Variants in DCDC1 observed in about 807,000 individuals in gnomAD.
The protein encoded by DCDC1 is doublecortin domain-containing protein 1.
In DCDC1, 200 loss-of-function variants were observed where a neutral mutation model predicts 178.3. The ratio of observed to expected loss-of-function variants is 1.12; its 90% CI spans 1.00 to 1.26. The LOEUF (loss-of-function observed/expected upper bound fraction) is 1.26. Among genes scored for constraint, DCDC1 ranks in the 50% most tolerant of loss-of-function variants. The pLI is 0.00. For missense variants in DCDC1, 1,983 were observed against 1,749.2 expected (o/e 1.13, Z -2.38); for synonymous variants, 690 against 604.8 (o/e 1.14, Z -2.07).
chr11:31,187,208 A>C lies in DCDC1; in HGVS notation c.1222-49424T>G, dbSNP rs186222017. Among the ~76,000 whole-genome samples, 5 of 152,350 alleles carry C rather than the reference A, an allele frequency of 3.3e-5. No homozygotes were observed. The East Asian group carries it at 9.6e-4, about 29-fold the overall frequency. ...GCCTGACACATAGTAGGTACTTAGT[A>C]AATATTTGTTGAATGAATAAGACCA... On this transcript the variant is annotated intron_variant, in intron 9 of 38. Transcript: ENST00000684477.
At chr11:31,265,426 T>C in intron 8 of DCDC1, 81 bp downstream of exon 8, 1 of 672,312 alleles carries the variant, frequency 1.5e-6, no homozygotes, top group South Asian at 4.2e-5. Flanking sequence ...TATGTTTTTC[T>C]TTTAAATGTT....
chr11:31,213,104 T>TCTCTCTCTCTCTCTCTCTCG (rs1972870937), intron 9 of DCDC1, among the ~76,000 whole-genome samples: 1 of 16,224 alleles, frequency 6.2e-5, no homozygotes, highest in Non-Finnish European at 1.8e-4. Context: ...GCCCAGCCTC[T>TCTCTCTCTCTCTCTCTCTCG]CTCTCTCTCT....
At chr11:31,159,322 G>C (rs1240926573) in intron 9 of DCDC1, among the ~76,000 whole-genome samples, 1 of 152,020 alleles carries the variant, frequency 6.6e-6, no homozygotes, top group Non-Finnish European at 1.5e-5. Context: ...ATCCATGTAG[G>C]GACAAAAAGG....
intron 20 of DCDC1, among the ~76,000 whole-genome samples, chr11:30,996,635 G>C (rs1951288728): frequency 1.3e-5 from 2 of 152,136 alleles, no homozygotes; most frequent in African/African-American, 4.8e-5. Context: ...CCCTATGTGG[G>C]ATGCAGCACC....
At position 30,922,517 on chromosome 11, in the gene DCDC1, G is replaced by C. The variant is rs1946315201; in HGVS notation, c.3119C>G (p.Thr1040Arg). ...CCAATGCTTACCTTCTATTTTATGT[G>C]TGCTGCAGAAGATTTGAATTTTGGC... The part of the protein sequence containing the change: ...DIAKIQIFCS[T>R]HKIEALVLEV... Residue 1040 changes from threonine (T) to arginine (R), a missense_variant, in exon 24 of 39, where the codon ACA becomes AGA. Physicochemically the swap from Thr to Arg is moderately conservative, Grantham distance 71. Transcript: ENST00000684477. The C allele has an allele frequency of 6.4e-7, 1 of 1,557,998 alleles. No homozygotes were observed. Among genetic ancestry groups the C allele is most frequent in the Admixed American group, 2.2e-5 (1 of 46,004 alleles).
At chr11:31,121,540 A>C (rs945027311) in intron 11 of DCDC1, among the ~76,000 whole-genome samples, 7 of 151,058 alleles carry the variant, frequency 4.6e-5, no homozygotes, top group African/African-American at 1.7e-4. Flanking sequence ...TCTAACGTTA[A>C]GACCAAACCA....
chr11:30,958,909 G>C (rs1355758554), intron 20 of DCDC1, among the ~76,000 whole-genome samples: 1 of 152,054 alleles, frequency 6.6e-6, no homozygotes, highest in Non-Finnish European at 1.5e-5. Context: ...AAACCCAGGG[G>C]ACCTTGGGGA....
intron 18 of DCDC1, among the ~76,000 whole-genome samples, chr11:31,067,397 C>T (rs1482878392): frequency 6.6e-6 from 1 of 151,958 alleles, no homozygotes; most frequent in Non-Finnish European, 1.5e-5. Context: ...ATACTTTTTA[C>T]CCACTAGGAT....
intron 31 of DCDC1, chr11:30,904,708 T>C: frequency 2.1e-6 from 1 of 476,288 alleles, no homozygotes; most frequent in Non-Finnish European, 3.8e-6. Flanking sequence ...TGTTTTCCTC[T>C]TTCTTATAGA....
At chr11:31,283,733 G>A (rs917854682) in intron 7 of DCDC1, among the ~76,000 whole-genome samples, 2 of 151,926 alleles carry the variant, frequency 1.3e-5, no homozygotes, top group Non-Finnish European at 1.5e-5. Flanking sequence ...TCTTTTCCTG[G>A]CAGTTGTTTG....
intron 20 of DCDC1, among the ~76,000 whole-genome samples, chr11:30,991,231 C>T (rs1027328733): frequency 6.6e-6 from 1 of 152,038 alleles, no homozygotes; most frequent in Non-Finnish European, 1.5e-5. Flanking sequence ...AGGAGAGAGG[C>T]AGCATAGCTG....
intron 20 of DCDC1, among the ~76,000 whole-genome samples, chr11:30,969,761 A>T (rs1310311228): frequency 6.6e-6 from 1 of 152,088 alleles, no homozygotes; most frequent in Non-Finnish European, 1.5e-5. Flanking sequence ...ATTTCCTTTT[A>T]TTTAAAACAA....
chr11:30,868,543 G>A (rs1472050974), intron 38 of DCDC1, among the ~76,000 whole-genome samples: 2 of 151,934 alleles, frequency 1.3e-5, no homozygotes, highest in Non-Finnish European at 2.9e-5. Context: ...GAGCCACCAC[G>A]CCCAGCCCAT....
chr11:30,887,307 C>T (rs1264535787), intron 36 of DCDC1, among the ~76,000 whole-genome samples: 1 of 152,152 alleles, frequency 6.6e-6, no homozygotes, highest in East Asian at 1.9e-4. Context: ...AGATATAAGG[C>T]ATGACAACAA....
chr11:31,168,864 T>A (rs1420290401), intron 9 of DCDC1, among the ~76,000 whole-genome samples: 3 of 150,032 alleles, frequency 2.0e-5, no homozygotes, highest in Admixed American at 2.0e-4. Context: ...TGCAATTTAT[T>A]ATTTTATTTT....
Position 30,915,612 on chromosome 11 carries a change from C to T in DCDC1, c.3552G>A (p.Leu1184=). ...ATCGGAGATTGGGACCTTGAACCCC[C>T]AAGACTAGCTGAGGAGCAGCATGGC... The part of the protein sequence containing the change: ...IISHAAPQLV[L]GVQGPNLRSG... The change falls in exon 27 of 39, where the codon TTG becomes TTA. Residue 1184 remains leucine, a synonymous_variant. Coordinates refer to ENST00000684477, the MANE Select transcript of DCDC1 (RefSeq NM_001387274.1). The T allele has an allele frequency of 1.2e-6, 2 of 1,613,974 alleles. No individual in the cohort carries two copies. Among genetic ancestry groups the T allele is most frequent in the Non-Finnish European group, 1.7e-6 (2 of 1,179,874 alleles).
At chr11:31,066,092 T>C (rs1956235182) in intron 18 of DCDC1, among the ~76,000 whole-genome samples, 1 of 152,204 alleles carries the variant, frequency 6.6e-6, no homozygotes, top group Non-Finnish European at 1.5e-5. Flanking sequence ...TTCAGTTATG[T>C]TAATCCGGCC....
At chr11:30,903,427 G>A (rs1229713618) in intron 32 of DCDC1, 55 bp downstream of exon 32, 46 of 1,392,038 alleles carry the variant, frequency 3.3e-5, no homozygotes, top group South Asian at 8.8e-5. Context: ...CATGTTTAAC[G>A]TTTTCATGAT....
At chr11:30,959,402 AG>A (rs1349940297) in intron 20 of DCDC1, among the ~76,000 whole-genome samples, 2 of 152,042 alleles carry the variant, frequency 1.3e-5, no homozygotes, top group Non-Finnish European at 2.9e-5. Flanking sequence ...TCACATGTTC[AG>A]TGAAGATCTT....
Sources: gnomAD v4.1 joint callset for allele counts (sites outside exome capture counted in the v4.1 genomes callset) on GRCh38, gnomAD v4.1.1 for gene constraint, MANE v1.5 for transcripts, NCBI Gene and HGNC (gene_info 2026-07-23, HGNC 2026-07-21) for gene names.